Variants in EIF3E observed in about 807,000 individuals in gnomAD.
The protein encoded by EIF3E is eukaryotic translation initiation factor 3 subunit E, also known as eIF-3 p48.
EIF3E carries 25 observed loss-of-function variants against 59.3 expected under a neutral mutation model. The observed-to-expected ratio is 0.42, with a 90% CI of 0.31 to 0.59. The LOEUF (loss-of-function observed/expected upper bound fraction) is 0.59. Ranked by LOEUF, EIF3E falls within the 20% of genes least tolerant of loss-of-function variation. The probability of loss-of-function intolerance (pLI) is 0.15; values close to 1 mark genes in which losing one functional copy is unlikely to be tolerated. For missense variants in EIF3E, 317 were observed against 534.3 expected (o/e 0.59, Z 4.01); for synonymous variants, 176 against 170.2 (o/e 1.03, Z -0.26).
At chr8:108,212,762 A>G (rs1815235901) in intron 10 of EIF3E, among the ~76,000 whole-genome samples, 1 of 152,078 alleles carries the variant, frequency 6.6e-6, no homozygotes, top group South Asian at 2.1e-4. Context: ...AGATCGCACC[A>G]CTATACCCAA....
chr8:108,230,449 A>G (rs909826934), intron 5 of EIF3E, among the ~76,000 whole-genome samples: 1 of 152,028 alleles, frequency 6.6e-6, no homozygotes, highest in African/African-American at 2.4e-5. Flanking sequence ...AGATTTACAT[A>G]TATTTACATA....
Position 108,217,390 on chromosome 8 carries a change from T to C in EIF3E, c.793A>G (p.Lys265Glu), listed in dbSNP as rs1277221501. 1 of 1,601,026 alleles carries C rather than the reference T, an allele frequency of 6.2e-7. No homozygotes were observed. Among genetic ancestry groups the C allele is most frequent in the Non-Finnish European group, 8.5e-7 (1 of 1,173,614 alleles). ...RYLTTAVITN[K>E]DVRKRRQVLK... ...ACCTGCCGACGTTTTCGAACATCCT[T>C]GTTTGTTATGACTGCTGTAGTCAAA... The change falls in exon 8 of 13, where the codon AAG (lysine) becomes GAG (glutamate). Residue 265 changes from lysine to glutamate, a missense_variant. By Grantham distance (56) the Lys-to-Glu change is moderately conservative. Coordinates refer to ENST00000220849, the MANE Select transcript of EIF3E (RefSeq NM_001568.3).
intron 7 of EIF3E, among the ~76,000 whole-genome samples, chr8:108,225,002 T>G (rs759548647): frequency 6.6e-6 from 1 of 151,608 alleles, no homozygotes; most frequent in Non-Finnish European, 1.5e-5. Context: ...GTCTTCTGTA[T>G]GACTAAATGG....
chr8:108,228,286 G>C lies in EIF3E; in HGVS notation c.703C>G (p.Leu235Val). The change falls in exon 7 of 13, where the codon CTC becomes GTC. Residue 235 changes from leucine (L) to valine (V), a missense_variant. This residue lies in a region of EIF3E where 242 missense variants were observed against 398.0 expected (regional missense o/e 0.61). Coordinates refer to ENST00000220849, the MANE Select transcript of EIF3E (RefSeq NM_001568.3). ...ACTTACTGTGGCTGATAAAGGAAGA[G>C]GTCAATAATATTATCGCGACCTTTG... is the stretch of plus-strand genomic sequence containing the variant. ...HPKGRDNIID[L>V]FLYQPQYLNA... is the part of the protein sequence containing the mutation. 1 of 1,600,624 alleles carries C rather than the reference G, an allele frequency of 6.2e-7. No homozygotes were observed. Among genetic ancestry groups the C allele is most frequent in the Non-Finnish European group, 8.5e-7 (1 of 1,173,624 alleles).
chr8:108,213,883 G>T (rs1474853477), intron 10 of EIF3E, among the ~76,000 whole-genome samples: 2 of 152,174 alleles, frequency 1.3e-5, no homozygotes, highest in African/African-American at 4.8e-5. Context: ...GCGAAGTATG[G>T]ATAAGCAAAA....
intron 4 of EIF3E, 103 bp from the exon 5 acceptor site, chr8:108,235,205 C>T (rs1486601295): frequency 3.4e-6 from 2 of 592,372 alleles, no homozygotes; most frequent in African/African-American, 3.9e-5. Context: ...GTTTAAGTCA[C>T]CAACTTCTAA....
intron 5 of EIF3E, 35 bp downstream of exon 5, chr8:108,234,958 GACAAA>G: frequency 2.8e-6 from 2 of 706,074 alleles, no homozygotes; most frequent in Non-Finnish European, 1.7e-6. Context: ...TCCTACAAAA[GACAAA>G]AAAAAAAAAA....
At chr8:108,242,010 A>C in intron 1 of EIF3E, 97 bp from the exon 2 acceptor site, 1 of 1,232,798 alleles carries the variant, frequency 8.1e-7, no homozygotes, top group Non-Finnish European at 1.1e-6. Context: ...ATTTCAAGAA[A>C]TACTTTATAA....
At chr8:108,246,649 T>C (rs1156968961) in intron 1 of EIF3E, among the ~76,000 whole-genome samples, 1 of 152,070 alleles carries the variant, frequency 6.6e-6, no homozygotes, top group Non-Finnish European at 1.5e-5. Flanking sequence ...TGTGCCTGCC[T>C]TTCCTGACTT....
At chr8:108,241,021 T>C (rs1239574784) in intron 2 of EIF3E, among the ~76,000 whole-genome samples, 1 of 152,094 alleles carries the variant, frequency 6.6e-6, no homozygotes, top group Non-Finnish European at 1.5e-5. Flanking sequence ...TTCCTTTTTG[T>C]TTATCCATGA....
intron 7 of EIF3E, chr8:108,221,459 G>C (rs1406271712): frequency 1.3e-5 from 2 of 152,044 alleles, no homozygotes; most frequent in African/African-American, 4.8e-5. Context: ...ATTATAGTCC[G>C]GTAATGTGGA....
chr8:108,215,570 A>C (rs112497923), intron 9 of EIF3E, among the ~76,000 whole-genome samples: 3,175 of 152,260 alleles, frequency 0.021, 125 homozygotes, highest in African/African-American at 0.072. Flanking sequence ...GTGAGCCGGG[A>C]TCATGCCACT....
intron 10 of EIF3E, among the ~76,000 whole-genome samples, chr8:108,209,322 T>G (rs562165089): frequency 1.3e-5 from 2 of 152,074 alleles, no homozygotes; most frequent in African/African-American, 4.8e-5. Flanking sequence ...AAGTCTATTT[T>G]GGGGCTTAAA....
chr8:108,204,746 T>TAGAGAG lies in EIF3E; in HGVS notation c.1062-1249_1062-1244dup, dbSNP rs1180256994. Among the ~76,000 whole-genome samples, 25 of 113,682 alleles carry TAGAGAG rather than the reference T, an allele frequency of 2.2e-4. No individual in the cohort carries two copies. The East Asian group carries it at 2.3e-3, about 10-fold the overall frequency. 74.6% of individuals were successfully genotyped at this position (113,682 alleles called of 152,430 possible). On this transcript the variant is annotated intron_variant, in intron 10 of 12. Coordinates refer to ENST00000220849, the MANE Select transcript of EIF3E (RefSeq NM_001568.3). ...TAGTATGTATGTATATATATATATATAGAGAGAGAGAGAGAGAGAGAGAGA... is the reference window on the plus strand; with the variant it reads ...TAGTATGTATGTATATATATATATATAGAGAGAGAGAGAGAGAGAGAGAGAGAGAGA...
chr8:108,213,989 C>T (rs1035693306), intron 10 of EIF3E, among the ~76,000 whole-genome samples: 1 of 152,224 alleles, frequency 6.6e-6, no homozygotes, highest in African/African-American at 2.4e-5. Context: ...TTGACTTCCT[C>T]TGTGCCCAAA....
Position 108,230,054 on chromosome 8 carries a change from C to T in EIF3E, c.472-859G>A, listed in dbSNP as rs374846060. ...AGAAGTAGGTAAACTGACTCTGAAC[C>T]GATCAGATGTGCTAAAGCAATAGAA... On this transcript the variant is annotated intron_variant, in intron 5 of 12. Coordinates refer to ENST00000220849, the MANE Select transcript of EIF3E (RefSeq NM_001568.3). Among the ~76,000 whole-genome samples the T allele has an allele frequency of 4.9e-4, 74 of 152,184 alleles. No homozygotes were observed. The Middle Eastern group carries it at 0.01, about 21-fold the overall frequency.
At chr8:108,226,294 A>G (rs1168674148) in intron 7 of EIF3E, 1 of 151,592 alleles carries the variant, frequency 6.6e-6, no homozygotes, top group East Asian at 1.9e-4. Flanking sequence ...CCCAAACTCA[A>G]GCAATTCACC....
chr8:108,216,339 A>G, intron 9 of EIF3E, 73 bp downstream of exon 9: 1 of 1,076,526 alleles, frequency 9.3e-7, no homozygotes, highest in African/African-American at 1.6e-5. Flanking sequence ...TAAGGAAGAC[A>G]CTGCAAGATT....
At chr8:108,204,465 C>T (rs969608616) in intron 10 of EIF3E, among the ~76,000 whole-genome samples, 7 of 151,792 alleles carry the variant, frequency 4.6e-5, no homozygotes, top group Non-Finnish European at 1.0e-4. Context: ...AACCAAAAAC[C>T]TTATGTTCTC....
Sources: gnomAD v4.1 joint callset for allele counts (sites outside exome capture counted in the v4.1 genomes callset) on GRCh38, gnomAD v4.1.1 for gene constraint, gnomAD v4.1.1 regional missense constraint, MANE v1.5 for transcripts, NCBI Gene and HGNC (gene_info 2026-07-23, HGNC 2026-07-21) for gene names.